Variants in NFASC observed in about 807,000 individuals in gnomAD.
NFASC encodes the protein neurofascin homolog.
A neutral mutation model predicts 147.5 loss-of-function variants in NFASC; 43 were observed. The ratio of observed to expected loss-of-function variants is 0.29; its 90% CI spans 0.23 to 0.38. The LOEUF (loss-of-function observed/expected upper bound fraction) is 0.38. Among genes scored for constraint, NFASC ranks in the 10% least tolerant of loss-of-function variants. NFASC has a pLI of 1.00. For missense variants in NFASC, 1,320 were observed against 1,689.0 expected, an observed-to-expected ratio of 0.78 and a Z score of 3.83; for synonymous variants, 622 against 665.5, an observed-to-expected ratio of 0.93 and a Z score of 1.01.
intron 2 of NFASC, among the ~76,000 whole-genome samples, chr1:204,921,287 C>T (rs2090427486): frequency 6.6e-6 from 1 of 152,214 alleles, no homozygotes; most frequent in Non-Finnish European, 1.5e-5. Flanking sequence ...CCCAGCAACT[C>T]CTGTTTTACT....
At chr1:204,861,529 G>A (rs1446608561) in intron 1 of NFASC, among the ~76,000 whole-genome samples, 2 of 151,886 alleles carry the variant, frequency 1.3e-5, no homozygotes, top group Non-Finnish European at 2.9e-5. Context: ...TCGCTCTGTT[G>A]CCCAAGCTGG....
chr1:204,901,217 G>T (rs913423368), intron 1 of NFASC, among the ~76,000 whole-genome samples: 1 of 152,184 alleles, frequency 6.6e-6, no homozygotes, highest in Non-Finnish European at 1.5e-5. Context: ...AAGCTCAGGG[G>T]AGAGGTCTGG....
intron 29 of NFASC, among the ~76,000 whole-genome samples, chr1:205,013,379 G>A (rs774144700): frequency 6.6e-6 from 1 of 152,110 alleles, no homozygotes; most frequent in South Asian, 2.1e-4. Context: ...TGAACTTGGC[G>A]ATATCTTTGG....
intron 3 of NFASC, among the ~76,000 whole-genome samples, chr1:204,949,369 T>G (rs1303495263): frequency 6.6e-6 from 1 of 152,112 alleles, no homozygotes; most frequent in Non-Finnish European, 1.5e-5. Context: ...TCAAGTCAAG[T>G]AGGAAGGCTT....
In NFASC at chr1:205,008,125, T is replaced by C. The variant is rs368977526; in HGVS notation, c.3290-1432T>C. Among the ~76,000 whole-genome samples, 91 of 152,170 alleles carry C rather than the reference T, an allele frequency of 6.0e-4. 1 individual carries two copies. The highest frequency in any genetic ancestry group is 1.9e-3 in the South Asian group (9 of 4,802). On this transcript the variant is annotated intron_variant, in intron 27 of 29. Transcript: ENST00000339876. ...CACCCCGTACTGGCAACTTTCTTGG[T>C]GCAATGCCCTTGACTGGGCACTGGG...
chr1:205,006,650 CATT>C (rs1247307677), intron 27 of NFASC, among the ~76,000 whole-genome samples: 1 of 152,174 alleles, frequency 6.6e-6, no homozygotes, highest in African/African-American at 2.4e-5. Flanking sequence ...CGGGATGTCT[CATT>C]GTATCCACAG....
chr1:204,921,850 T>A (rs2090552892), intron 2 of NFASC, among the ~76,000 whole-genome samples: 1 of 152,214 alleles, frequency 6.6e-6, no homozygotes, highest in Non-Finnish European at 1.5e-5. Context: ...GTTTTTTTTT[T>A]TATCAAGGTA....
chr1:204,873,233 T>G (rs981080681), intron 1 of NFASC, among the ~76,000 whole-genome samples: 60 of 152,182 alleles, frequency 3.9e-4, no homozygotes, highest in African/African-American at 1.3e-3. Flanking sequence ...TAATGACCAC[T>G]CAAGACATTT....
chr1:204,879,779 G>C (rs1002540235), intron 1 of NFASC, among the ~76,000 whole-genome samples: 7 of 152,174 alleles, frequency 4.6e-5, no homozygotes, highest in Non-Finnish European at 8.8e-5. Context: ...ATTCAGCTGG[G>C]TTTGTTTGTT....
At chr1:204,948,298 T>C (rs537380530) in intron 3 of NFASC, among the ~76,000 whole-genome samples, 1 of 152,356 alleles carries the variant, frequency 6.6e-6, no homozygotes, top group African/African-American at 2.4e-5. Flanking sequence ...GTCTTCTCCC[T>C]GTGGCAGCTT....
chr1:204,959,842 A>G (rs1365559345), intron 8 of NFASC, among the ~76,000 whole-genome samples: 1 of 151,900 alleles, frequency 6.6e-6, no homozygotes, highest in Non-Finnish European at 1.5e-5. Context: ...TTCCAGAAAC[A>G]CTCTTCTCTA....
chr1:204,977,759 C>T (rs1434437678), intron 17 of NFASC, 34 bp downstream of exon 17: 3 of 1,590,886 alleles, frequency 1.9e-6, no homozygotes, highest in African/African-American at 2.7e-5. Flanking sequence ...CCTGCCAGTG[C>T]CCTCTCTTGG....
Position 204,982,011 on chromosome 1 carries a change from G to A in NFASC, c.2461G>A (p.Gly821Arg), listed in dbSNP as rs2095517330. 3.8e-6 allele frequency: 6 copies of A among 1,568,484 alleles called. No homozygotes were observed. Among genetic ancestry groups the A allele is most frequent in the Non-Finnish European group, 5.2e-6 (6 of 1,156,966 alleles). Residue 821 changes from glycine to arginine, a missense_variant, in exon 21 of 30, where the codon GGA (glycine) becomes AGA (arginine). This residue lies in a region of NFASC where 981 missense variants were observed against 1,289.5 expected (regional missense o/e 0.76). Transcript: ENST00000339876. Reference protein sequence around the residue: ...PEPESVIGYSGEDLPSAPRRF... With the variant: ...PEPESVIGYSREDLPSAPRRF... The stretch of plus-strand genomic sequence containing the variant: ...GCCAGAGTCCGTCATCGGTTACTCC[G>A]GAGAAGATTGTGAGTAGTCTCCTCC...
intron 1 of NFASC, among the ~76,000 whole-genome samples, chr1:204,893,032 A>T (rs559371232): frequency 7.9e-5 from 12 of 152,360 alleles, no homozygotes; most frequent in Admixed American, 7.2e-4. Context: ...ATCCCATGAG[A>T]CTTGAACTAA....
chr1:204,871,154 GGT>G, intron 1 of NFASC: 1 of 1,206,544 alleles, frequency 8.3e-7, no homozygotes, highest in Non-Finnish European at 1.1e-6. Flanking sequence ...ACTCTGAAGC[GGT>G]GTGTGCTAGG....
At chr1:204,995,510 C>T (rs568137602) in intron 24 of NFASC, among the ~76,000 whole-genome samples, 2 of 152,186 alleles carry the variant, frequency 1.3e-5, no homozygotes, top group African/African-American at 4.8e-5. Flanking sequence ...CTCCGCACGC[C>T]GCCCTGATGT....
intron 1 of NFASC, among the ~76,000 whole-genome samples, chr1:204,904,391 C>A (rs952207306): frequency 5.9e-5 from 9 of 152,206 alleles, no homozygotes; most frequent in Admixed American, 5.2e-4. Context: ...AGCCACTACG[C>A]CTGGCCTAGG....
chr1:204,939,945 T>C (rs1158685299), intron 2 of NFASC, among the ~76,000 whole-genome samples: 1 of 152,190 alleles, frequency 6.6e-6, no homozygotes, highest in Non-Finnish European at 1.5e-5. Flanking sequence ...TCCTTTGACT[T>C]GGATGGAAAT....
intron 2 of NFASC, among the ~76,000 whole-genome samples, chr1:204,939,038 A>ATGTGTG (rs60166382): frequency 0.062 from 7,706 of 123,428 alleles, 415 homozygotes; most frequent in East Asian, 0.17. Flanking sequence ...GTATGGATGG[A>ATGTGTG]TGTGTGTGTG....
Sources: gnomAD v4.1 joint callset for allele counts (sites outside exome capture counted in the v4.1 genomes callset) on GRCh38, gnomAD v4.1.1 for gene constraint, gnomAD v4.1.1 regional missense constraint, MANE v1.5 for transcripts, NCBI Gene and HGNC (gene_info 2026-07-23, HGNC 2026-07-21) for gene names.